TMEM178A: variants seen among roughly 807,000 people sequenced by gnomAD.
TMEM178A encodes the protein transmembrane protein 178.
In TMEM178A, 12 loss-of-function variants were observed where a neutral mutation model predicts 29.1. The observed-to-expected ratio is 0.41, with a 90% CI of 0.26 to 0.67. The LOEUF (loss-of-function observed/expected upper bound fraction) is 0.67, where lower values mean the gene tolerates loss of function less well. TMEM178A is among the 30% of genes least tolerant of loss of function. The probability of loss-of-function intolerance (pLI) is 0.29; values close to 1 mark genes in which losing one functional copy is unlikely to be tolerated. For synonymous variants in TMEM178A, 210 were observed against 187.2 expected (o/e 1.12, Z -0.99); for missense variants, 366 against 419.1 (o/e 0.87, Z 1.11).
the TMEM178A span, among the ~76,000 whole-genome samples, chr2:39,723,964 C>G: frequency 6.6e-6 from 1 of 152,200 alleles, no homozygotes; most frequent in East Asian, 1.9e-4. Context: ...AGTTTTTAAG[C>G]AAGCTTCTAT....
At chr2:39,670,517 C>G (rs543389233) in intron 1 of TMEM178A, among the ~76,000 whole-genome samples, 14 of 152,288 alleles carry the variant, frequency 9.2e-5, no homozygotes, top group African/African-American at 3.4e-4. Flanking sequence ...GCTGATAGCA[C>G]TGGTGGGTAA....
At chr2:39,687,428 A>G (rs1671131213) in intron 1 of TMEM178A, 3 of 167,170 alleles carry the variant, frequency 1.8e-5, no homozygotes, top group Middle Eastern at 3.4e-3. Context: ...CTCACCAGGT[A>G]TTGAACCCCT....
chr2:39,706,624 CT>C (rs11389670), intron 2 of TMEM178A, among the ~76,000 whole-genome samples: 18 of 151,788 alleles, frequency 1.2e-4, no homozygotes, highest in African/African-American at 4.1e-4. Flanking sequence ...ACCTACATTT[CT>C]TTTTTTTCCC....
At chr2:39,668,291 A>G (rs1457400760) in intron 1 of TMEM178A, among the ~76,000 whole-genome samples, 1 of 152,216 alleles carries the variant, frequency 6.6e-6, no homozygotes, top group Non-Finnish European at 1.5e-5. Context: ...CTTCCGTAAG[A>G]CGGAACTCAT....
At position 39,716,993 on chromosome 2, in the gene TMEM178A, C is replaced by A. The variant is rs754459713; in HGVS notation, c.653-17C>A. The stretch of plus-strand genomic sequence containing the variant: ...AAACTGTAACTAATCATTCTGTTCT[C>A]TTTGTATTATTTATAGGGATATTTT... On this transcript the variant is annotated splice_polypyrimidine_tract_variant and intron_variant, in intron 3 of 3. Coordinates refer to ENST00000281961, the MANE Select transcript of TMEM178A (RefSeq NM_152390.3). The A allele has an allele frequency of 8.1e-6, 13 of 1,604,278 alleles. No individual in the cohort carries two copies. Among genetic ancestry groups the A allele is most frequent in the South Asian group, 6.6e-5 (6 of 90,276 alleles).
chr2:39,700,980 A>G (rs544477507), intron 1 of TMEM178A, among the ~76,000 whole-genome samples: 1 of 151,960 alleles, frequency 6.6e-6, no homozygotes, highest in African/African-American at 2.4e-5. Flanking sequence ...CCTCCTCCAT[A>G]CTATTATTGT....
At chr2:39,731,137 G>A in the TMEM178A span, among the ~76,000 whole-genome samples, 16 of 152,208 alleles carry the variant, frequency 1.1e-4, no homozygotes, top group Non-Finnish European at 2.4e-4. Context: ...TAGTGAATAA[G>A]GCAATTTGTT....
the TMEM178A span, among the ~76,000 whole-genome samples, chr2:39,733,291 C>T: frequency 1.1e-4 from 17 of 152,250 alleles, no homozygotes; most frequent in Non-Finnish European, 1.5e-4. Context: ...AAGGAGATGA[C>T]GTCACTCTCA....
chr2:39,729,473 C>A, the TMEM178A span, among the ~76,000 whole-genome samples: 1 of 152,184 alleles, frequency 6.6e-6, no homozygotes, highest in African/African-American at 2.4e-5. Context: ...TTGGAAAATA[C>A]GATAATTCAC....
intron 1 of TMEM178A, among the ~76,000 whole-genome samples, chr2:39,681,217 A>G (rs1379338689): frequency 6.6e-6 from 1 of 152,172 alleles, no homozygotes; most frequent in Non-Finnish European, 1.5e-5. Flanking sequence ...TCAACCTCTG[A>G]TGCTTGATAG....
chr2:39,719,626 C>G (rs1181363565), downstream of TMEM178A, among the ~76,000 whole-genome samples: 1 of 152,216 alleles, frequency 6.6e-6, no homozygotes, highest in Non-Finnish European at 1.5e-5. Context: ...TCTTAACTGG[C>G]TTGTGAATGA....
Position 39,665,930 on chromosome 2 carries a change from C to G in TMEM178A, c.-45C>G. Reference sequence around the variant, plus strand: ...CTGGGGCCAAGTGCATTGTGTCTGGCGGCGGCGCGCGAGCCCACCGGCGGC... The same window carrying G: ...CTGGGGCCAAGTGCATTGTGTCTGGGGGCGGCGCGCGAGCCCACCGGCGGC... On this transcript the variant is annotated 5_prime_UTR_variant, in exon 1 of 4. Transcript: ENST00000281961. 1 of 1,341,410 alleles carries G rather than the reference C, an allele frequency of 7.5e-7. No homozygotes were observed. The highest frequency in any genetic ancestry group is 9.5e-7 in the Non-Finnish European group (1 of 1,050,320). The allele number at this position is 1,341,410 out of a possible 1,614,324, so 83.1% of individuals were successfully genotyped here. A position where few individuals can be genotyped will look rare whatever the true frequency, so the allele number is the denominator to read the frequency against.
the TMEM178A span, among the ~76,000 whole-genome samples, chr2:39,723,688 C>A: frequency 1.3e-5 from 2 of 152,130 alleles, no homozygotes; most frequent in East Asian, 3.9e-4. Context: ...TTACTATTTG[C>A]CCCTACTTTA....
chr2:39,719,457 G>A (rs564854253), downstream of TMEM178A, among the ~76,000 whole-genome samples: 15 of 152,226 alleles, frequency 9.9e-5, no homozygotes, highest in South Asian at 4.1e-4. Flanking sequence ...GTGCTGGCAA[G>A]GACTGAGGCT....
In TMEM178A at chr2:39,717,272, C is replaced by G; in HGVS notation, c.*21C>G. Reference sequence around the variant, plus strand: ...TATGACTGTCCTCACTGGGCCTGTCCACAGTGCGAGCGACTCCTGAGGGGA... The same window carrying G: ...TATGACTGTCCTCACTGGGCCTGTCGACAGTGCGAGCGACTCCTGAGGGGA... On this transcript the variant is annotated 3_prime_UTR_variant, in exon 4 of 4. Transcript: ENST00000281961. The G allele has an allele frequency of 6.2e-7, 1 of 1,611,218 alleles. No individual in the cohort carries two copies. Among genetic ancestry groups the G allele is most frequent in the East Asian group, 2.2e-5 (1 of 44,854 alleles).
At position 39,717,778 on chromosome 2, in the gene TMEM178A, ATTG is replaced by A. The variant is rs973774451; in HGVS notation, c.*530_*532del. 44 of 148,538 alleles carry A rather than the reference ATTG, an allele frequency of 3.0e-4. 1 individual carries two copies. Among genetic ancestry groups the A allele is most frequent in the African/African-American group, 1.0e-3 (41 of 39,530 alleles). 9.2% of individuals were successfully genotyped at this position (148,538 alleles called of 1,614,324 possible). On this transcript the variant is annotated 3_prime_UTR_variant, in exon 4 of 4. Transcript: ENST00000281961. ...AGGAAGATTCTTCTTCTGTTGCCTT[ATTG>A]TTTTTTTTTTTTTAAGTCTCTTCTC...
chr2:39,678,932 C>T (rs578044630), intron 1 of TMEM178A, among the ~76,000 whole-genome samples: 1 of 152,156 alleles, frequency 6.6e-6, no homozygotes, highest in Non-Finnish European at 1.5e-5. Flanking sequence ...GAATACCATC[C>T]TCTCTTGTCC....
At chr2:39,667,841 G>C (rs1670237979) in intron 1 of TMEM178A, among the ~76,000 whole-genome samples, 1 of 152,204 alleles carries the variant, frequency 6.6e-6, no homozygotes, top group African/African-American at 2.4e-5. Flanking sequence ...TTCTCCTCAT[G>C]AAGATGCTGC....
chr2:39,672,570 G>A (rs904732397), intron 1 of TMEM178A, among the ~76,000 whole-genome samples: 4 of 152,044 alleles, frequency 2.6e-5, no homozygotes, highest in African/African-American at 9.7e-5. Context: ...CTGTCACTCA[G>A]GCTAGAGCTG....
Sources: gnomAD v4.1 joint callset for allele counts (sites outside exome capture counted in the v4.1 genomes callset) on GRCh38, gnomAD v4.1.1 for gene constraint, MANE v1.5 for transcripts, NCBI Gene and HGNC (gene_info 2026-07-23, HGNC 2026-07-21) for gene names.